DCUN1D2: variants seen among roughly 807,000 people sequenced by gnomAD.
The protein encoded by DCUN1D2 is defective in cullin neddylation 1 domain containing 2.
In DCUN1D2, 29 loss-of-function variants were observed where a neutral mutation model predicts 30.9. The observed-to-expected ratio is 0.94, with a 90% CI of 0.70 to 1.28. The LOEUF (loss-of-function observed/expected upper bound fraction) is 1.28, where lower values mean the gene tolerates loss of function less well. Among genes scored for constraint, DCUN1D2 ranks in the 50% most tolerant of loss-of-function variants. The probability of loss-of-function intolerance (pLI) is 0.00; values close to 1 mark genes in which losing one functional copy is unlikely to be tolerated. For missense variants in DCUN1D2, 325 were observed against 316.9 expected (o/e 1.03, Z -0.19); for synonymous variants, 121 against 115.3 (o/e 1.05, Z -0.32).
In DCUN1D2 at chr13:113,455,986, AAAAAAGT is replaced by A. The variant is rs1246494270; in HGVS notation, c.*2036_*2042del. Reference sequence around the variant, plus strand: ...CCTTAGAACTTTAAATCTCAAAAACAAAAAAGTACTGTGGATCTCCATAGTTTATACA... The same window carrying A: ...CCTTAGAACTTTAAATCTCAAAAACAACTGTGGATCTCCATAGTTTATACA... On this transcript the variant is annotated 3_prime_UTR_variant, in exon 7 of 7. Coordinates refer to ENST00000478244, the MANE Select transcript of DCUN1D2 (RefSeq NM_001014283.2). The A allele has an allele frequency of 5.2e-6, 2 of 384,118 alleles. No individual in the cohort carries two copies. The highest frequency in any genetic ancestry group is 9.2e-6 in the Non-Finnish European group (2 of 217,792). 23.8% of individuals were successfully genotyped at this position (384,118 alleles called of 1,614,324 possible).
At chr13:113,466,831 G>A (rs1340166342) in intron 4 of DCUN1D2, among the ~76,000 whole-genome samples, 21 of 133,004 alleles carry the variant, frequency 1.6e-4, no homozygotes, top group African/African-American at 6.0e-4. Context: ...TTTTTTGAGA[G>A]AGTCCTGCTC....
chr13:113,462,082 G>A (rs529005581), intron 4 of DCUN1D2, among the ~76,000 whole-genome samples: 32 of 151,490 alleles, frequency 2.1e-4, no homozygotes, highest in Middle Eastern at 3.4e-3. Context: ...GAGAAACCCC[G>A]TCTCTACTAA....
At chr13:113,473,121 G>A (rs955268302) in intron 4 of DCUN1D2, among the ~76,000 whole-genome samples, 9 of 141,490 alleles carry the variant, frequency 6.4e-5, no homozygotes, top group African/African-American at 1.9e-4. Flanking sequence ...TCTGTCCCCC[G>A]TCTCTCTATC....
chr13:113,474,048 C>T (rs1296374552), intron 4 of DCUN1D2, 76 bp downstream of exon 4: 1 of 1,549,778 alleles, frequency 6.5e-7, no homozygotes, highest in Non-Finnish European at 8.8e-7. Context: ...GTTGGCTGCA[C>T]AAAAATCATG....
chr13:113,464,439 A>G (rs990870776), intron 4 of DCUN1D2, among the ~76,000 whole-genome samples: 1 of 152,230 alleles, frequency 6.6e-6, no homozygotes, highest in Admixed American at 6.5e-5. Flanking sequence ...CTACCCATAT[A>G]CTGACCTTCC....
chr13:113,461,005 C>A, intron 5 of DCUN1D2, 49 bp downstream of exon 5: 3 of 1,265,186 alleles, frequency 2.4e-6, no homozygotes, highest in Non-Finnish European at 3.4e-6. Context: ...TCATACCTAC[C>A]GACTTCCCTC....
At chr13:113,465,095 T>C (rs758457589) in intron 4 of DCUN1D2, among the ~76,000 whole-genome samples, 10 of 152,242 alleles carry the variant, frequency 6.6e-5, no homozygotes, top group Non-Finnish European at 1.0e-4. Context: ...AAGTATCCCC[T>C]GCATTGCAGA....
chr13:113,458,817 C>T (rs1373778656), intron 6 of DCUN1D2, among the ~76,000 whole-genome samples: 1 of 152,228 alleles, frequency 6.6e-6, no homozygotes, highest in Non-Finnish European at 1.5e-5. Flanking sequence ...GAGGGGAGGC[C>T]TTCCACCCAG....
chr13:113,471,094 C>CCAACTCCACAGGGGACG (rs1241884235), intron 4 of DCUN1D2, among the ~76,000 whole-genome samples: 1 of 148,184 alleles, frequency 6.7e-6, no homozygotes, highest in Non-Finnish European at 1.5e-5. Context: ...CACGCAAGAC[C>CCAACTCCACAGGGGACG]CAACTCCACA....
At chr13:113,466,835 C>CT (rs2044412049) in intron 4 of DCUN1D2, among the ~76,000 whole-genome samples, 1 of 137,216 alleles carries the variant, frequency 7.3e-6, no homozygotes, top group Non-Finnish European at 1.5e-5. Flanking sequence ...TTGAGAGAGT[C>CT]CTGCTCTGTC....
chr13:113,458,049 C>T lies in DCUN1D2; in HGVS notation c.760G>A (p.Gly254Arg). The change falls in exon 7 of 7, where the codon GGA becomes AGA. Residue 254 changes from glycine (G) to arginine (R), a missense_variant. Physicochemically the swap from Gly to Arg is moderately radical, Grantham distance 125. Coordinates refer to ENST00000478244, the MANE Select transcript of DCUN1D2 (RefSeq NM_001014283.2). ...VEYARPVVTG[G>R]KRSLF The stretch of plus-strand genomic sequence containing the variant: ...GCTGCCTAGAAAAGGCTGCGTTTTC[C>T]ACCTGTGACTACTGGCCGTGCATAT... The T allele has an allele frequency of 6.2e-7, 1 of 1,614,158 alleles. No homozygotes were observed. Among genetic ancestry groups the T allele is most frequent in the South Asian group, 1.1e-5 (1 of 91,090 alleles).
intron 4 of DCUN1D2, among the ~76,000 whole-genome samples, chr13:113,464,270 A>C (rs995929739): frequency 1.3e-5 from 2 of 152,256 alleles, no homozygotes; most frequent in Non-Finnish European, 2.9e-5. Context: ...GGAGTAAACA[A>C]GTCCTTGTTG....
At chr13:113,459,474 T>C (rs1459425318) in intron 5 of DCUN1D2, 66 bp from the exon 6 acceptor site, 6 of 751,136 alleles carry the variant, frequency 8.0e-6, no homozygotes, top group Admixed American at 6.5e-5. Context: ...TCATATATTC[T>C]AGTGGCCTAG....
At chr13:113,460,446 A>G (rs1196449961) in intron 5 of DCUN1D2, among the ~76,000 whole-genome samples, 1 of 152,168 alleles carries the variant, frequency 6.6e-6, no homozygotes, top group Non-Finnish European at 1.5e-5. Context: ...GCTTGTGGCC[A>G]CTCACTTCCA....
At chr13:113,459,499 T>C in intron 5 of DCUN1D2, 91 bp from the exon 6 acceptor site, 2 of 654,006 alleles carry the variant, frequency 3.1e-6, no homozygotes, top group Non-Finnish European at 5.5e-6. Flanking sequence ...CTTCAATTAA[T>C]GTTCATTAAT....
chr13:113,457,898 G>T lies in DCUN1D2; in HGVS notation c.*131C>A. On this transcript the variant is annotated 3_prime_UTR_variant, in exon 7 of 7. Transcript: ENST00000478244. The stretch of plus-strand genomic sequence containing the variant: ...CGCTGGCTGTCCTCCGGCAGAATGG[G>T]ATGGCGCCTCTGGTTTCATGGCTGG... The T allele has an allele frequency of 1.2e-6, 1 of 864,172 alleles. No individual in the cohort carries two copies. Among genetic ancestry groups the T allele is most frequent in the South Asian group, 1.5e-5 (1 of 65,684 alleles). The allele number at this position is 864,172 out of a possible 1,614,324, so 53.5% of individuals were successfully genotyped here.
chr13:113,468,180 G>C (rs2044439435), intron 4 of DCUN1D2, among the ~76,000 whole-genome samples: 1 of 152,084 alleles, frequency 6.6e-6, no homozygotes, highest in East Asian at 1.9e-4. Context: ...AACAAAACGT[G>C]GTCTATGCAC....
At chr13:113,489,100 C>A in intron 1 of DCUN1D2, 1 of 985,256 alleles carries the variant, frequency 1.0e-6, no homozygotes, top group African/African-American at 1.7e-5. Flanking sequence ...CCGGGGCTGG[C>A]GGGCCAATCA....
intron 1 of DCUN1D2, among the ~76,000 whole-genome samples, chr13:113,485,406 G>T (rs1353798244): frequency 6.6e-6 from 1 of 152,198 alleles, no homozygotes; most frequent in African/African-American, 2.4e-5. Flanking sequence ...CCTGTCACAT[G>T]TAAGAGCTGG....
Sources: allele counts gnomAD v4.1 joint callset (sites outside exome capture counted in the v4.1 genomes callset), GRCh38; gene constraint gnomAD v4.1.1; transcripts MANE v1.5; gene names NCBI Gene and HGNC (gene_info 2026-07-23, HGNC 2026-07-21).